GRIN2B: variants seen among roughly 807,000 people sequenced by gnomAD.
GRIN2B encodes glutamate receptor ionotropic, NMDA 2B.
A neutral mutation model predicts 114.5 loss-of-function variants in GRIN2B; 5 were observed. The ratio of observed to expected loss-of-function variants is 0.04; its 90% CI spans 0.02 to 0.09. GRIN2B has a LOEUF of 0.09. GRIN2B is among the 10% of genes least tolerant of loss of function. The pLI, the probability that GRIN2B is intolerant of heterozygous loss-of-function variation, is 1.00. For missense variants in GRIN2B, 1,108 were observed against 1,943.5 expected, an observed-to-expected ratio of 0.57 and a Z score of 8.08; for synonymous variants, 787 against 745.1, an observed-to-expected ratio of 1.06 and a Z score of -0.92.
intron 2 of GRIN2B, among the ~76,000 whole-genome samples, chr12:13,964,827 C>A (rs189499503): frequency 6.6e-6 from 1 of 152,166 alleles, no homozygotes; most frequent in East Asian, 1.9e-4. Context: ...CTGTTTGTGA[C>A]GGCAGCGGTG....
chr12:13,836,273 G>A (rs528990442), intron 3 of GRIN2B, among the ~76,000 whole-genome samples: 2 of 152,320 alleles, frequency 1.3e-5, no homozygotes, highest in African/African-American at 4.8e-5. Flanking sequence ...CGTTGGGGAA[G>A]TGAACCCAGC....
chr12:13,553,322 AG>A lies in GRIN2B; in HGVS notation c.*9460del, dbSNP rs1466538016. On this transcript the variant is annotated 3_prime_UTR_variant, in exon 14 of 14. Coordinates refer to ENST00000609686, the MANE Select transcript of GRIN2B (RefSeq NM_000834.5). The stretch of plus-strand genomic sequence containing the variant: ...ATCCCTTTATATTTACAGAGAAAGG[AG>A]TAGTTTAGAGACTAGCATTCTCTCT... The A allele has an allele frequency of 8.5e-5, 13 of 152,198 alleles. No individual in the cohort carries two copies. The highest frequency in any genetic ancestry group is 3.1e-4 in the African/African-American group (13 of 41,452). 9.4% of individuals were successfully genotyped at this position (152,198 alleles called of 1,614,324 possible). A position where few individuals can be genotyped will look rare whatever the true frequency, so the allele number is the denominator to read the frequency against.
At chr12:13,640,164 T>C (rs1410526271) in intron 5 of GRIN2B, among the ~76,000 whole-genome samples, 1 of 152,262 alleles carries the variant, frequency 6.6e-6, no homozygotes, top group African/African-American at 2.4e-5. Context: ...GGTGGGAGGA[T>C]TGCTTGAGCC....
intron 2 of GRIN2B, among the ~76,000 whole-genome samples, chr12:13,871,839 TA>T (rs1303046511): frequency 6.6e-6 from 1 of 151,798 alleles, no homozygotes; most frequent in African/African-American, 2.4e-5. Flanking sequence ...TAATATATAA[TA>T]AAAATGGCAA....
At chr12:13,577,864 C>A (rs1313619019) in intron 10 of GRIN2B, among the ~76,000 whole-genome samples, 3 of 152,176 alleles carry the variant, frequency 2.0e-5, no homozygotes, top group Non-Finnish European at 2.9e-5. Context: ...GAAACATAAA[C>A]ATTCATTCAG....
intron 10 of GRIN2B, among the ~76,000 whole-genome samples, chr12:13,591,452 C>T (rs1949008237): frequency 6.6e-6 from 1 of 152,180 alleles, no homozygotes; most frequent in South Asian, 2.1e-4. Flanking sequence ...AGCACAGCAG[C>T]TATAAAGTAG....
rs72073823 is a variant in GRIN2B at position 13,690,285 on chromosome 12, CCACACACACA to C, written c.1011-14436_1011-14427del. Among the ~76,000 whole-genome samples the C allele has an allele frequency of 8.4e-4, 121 of 144,770 alleles. 2 individuals are homozygous for C. The highest frequency in any genetic ancestry group is 5.7e-3 in the South Asian group (25 of 4,422). The allele number at this position is 144,770 out of a possible 152,430, so 95.0% of individuals were successfully genotyped here. A position where few individuals can be genotyped will look rare whatever the true frequency, so the allele number is the denominator to read the frequency against. On this transcript the variant is annotated intron_variant, in intron 4 of 13. Transcript: ENST00000609686. ...CCACCCACACCCCTTCTATGTCACA[CCACACACACA>C]CACACACACACACACACACACATGC...
Position 13,563,745 on chromosome 12 carries a change from C to T in GRIN2B, c.3493G>A (p.Asp1165Asn), listed in dbSNP as rs769857006. Residue 1165 changes from aspartate to asparagine, a missense_variant, in exon 14 of 14, where the codon GAC (aspartate) becomes AAC (asparagine). By Grantham distance (23) the Asp-to-Asn change is conservative (BLOSUM62 1). Around this residue, in one of 19 missense-constraint regions of GRIN2B, gnomAD observed 478 missense variants for 506.0 expected, o/e 0.94. Coordinates refer to ENST00000609686, the MANE Select transcript of GRIN2B (RefSeq NM_000834.5). ...CAGGGCCCTCCTCCGCTGACGGAGT[C>T]GCGCTTAAAGTCATCACTCCGCTCC... The part of the protein sequence containing the change: ...YKERSDDFKR[D>N]SVSGGGPCTN... The T allele has an allele frequency of 2.4e-5, 39 of 1,613,810 alleles. No individual in the cohort carries two copies. In the Admixed American group the frequency reaches 5.5e-4, roughly 23 times the overall value.
At chr12:13,663,380 T>C (rs1158084984) in intron 5 of GRIN2B, among the ~76,000 whole-genome samples, 1 of 152,148 alleles carries the variant, frequency 6.6e-6, no homozygotes, top group African/African-American at 2.4e-5. Context: ...AACATGGTGG[T>C]TTATTACAGT....
At chr12:13,783,312 T>C (rs551038905) in intron 3 of GRIN2B, among the ~76,000 whole-genome samples, 6 of 152,202 alleles carry the variant, frequency 3.9e-5, no homozygotes, top group Non-Finnish European at 7.4e-5. Flanking sequence ...AAGAGTAAGT[T>C]AGTGATTTCA....
chr12:13,941,888 A>C (rs982910263), intron 2 of GRIN2B, among the ~76,000 whole-genome samples: 1 of 152,242 alleles, frequency 6.6e-6, no homozygotes, highest in African/African-American at 2.4e-5. Flanking sequence ...TGGCTCCCGC[A>C]GCGCAGTGTC....
chr12:13,901,500 G>A (rs1486429459), intron 2 of GRIN2B, among the ~76,000 whole-genome samples: 3 of 152,012 alleles, frequency 2.0e-5, no homozygotes, highest in Non-Finnish European at 4.4e-5. Context: ...GTAGCCACTT[G>A]TGGCTATTGA....
intron 10 of GRIN2B, among the ~76,000 whole-genome samples, chr12:13,575,670 C>CAATAATAATAATAATAAT (rs574433534): frequency 2.3e-5 from 3 of 129,814 alleles, no homozygotes; most frequent in East Asian, 2.0e-4. Flanking sequence ...AAAATGATAA[C>CAATAATAATAATAATAAT]AACAATAATA....
At chr12:13,842,733 T>C (rs775384439) in intron 3 of GRIN2B, among the ~76,000 whole-genome samples, 5 of 152,146 alleles carry the variant, frequency 3.3e-5, no homozygotes, top group African/African-American at 7.2e-5. Context: ...CTTCTACAGT[T>C]CATTATGGAA....
chr12:13,761,813 G>T (rs1466716843), intron 3 of GRIN2B, among the ~76,000 whole-genome samples: 1 of 152,062 alleles, frequency 6.6e-6, no homozygotes, highest in Non-Finnish European at 1.5e-5. Context: ...AATAGGAAAG[G>T]TTGGAAAAAA....
At chr12:13,767,261 A>C (rs1191153079) in intron 3 of GRIN2B, among the ~76,000 whole-genome samples, 1 of 148,562 alleles carries the variant, frequency 6.7e-6, no homozygotes, top group Non-Finnish European at 1.5e-5. Context: ...TCTGTCTCAA[A>C]AAAAAAAAAA....
intron 3 of GRIN2B, among the ~76,000 whole-genome samples, chr12:13,811,130 A>T (rs1259605686): frequency 6.6e-6 from 1 of 152,244 alleles, no homozygotes; most frequent in Non-Finnish European, 1.5e-5. Context: ...GACATCAGGC[A>T]TTTATAAGTG....
At chr12:13,570,327 C>T (rs946535627) in intron 11 of GRIN2B, among the ~76,000 whole-genome samples, 3 of 152,136 alleles carry the variant, frequency 2.0e-5, no homozygotes, top group African/African-American at 7.2e-5. Context: ...AAAATAATAA[C>T]AGAAATAATG....
At chr12:13,680,436 TTGTG>T (rs56755720) in intron 4 of GRIN2B, among the ~76,000 whole-genome samples, 17,804 of 123,054 alleles carry the variant, frequency 0.14, 1,110 homozygotes, top group East Asian at 0.26. Context: ...CCCATCAAGG[TTGTG>T]TGTGTGTGTG....
Sources: gnomAD v4.1 joint callset for allele counts (sites outside exome capture counted in the v4.1 genomes callset) on GRCh38, gnomAD v4.1.1 for gene constraint, gnomAD v4.1.1 regional missense constraint, MANE v1.5 for transcripts, NCBI Gene and HGNC (gene_info 2026-07-23, HGNC 2026-07-21) for gene names.